Variants in PDXDC1 observed in about 807,000 individuals in gnomAD.
The protein encoded by PDXDC1 is pyridoxal-dependent decarboxylase domain-containing protein 1.
In PDXDC1, 42 loss-of-function variants were observed where a neutral mutation model predicts 100.1. The observed-to-expected ratio is 0.42, with a 90% CI of 0.33 to 0.54. PDXDC1 has a LOEUF of 0.54. Among genes scored for constraint, PDXDC1 ranks in the 20% least tolerant of loss-of-function variants. The pLI, the probability that PDXDC1 is intolerant of heterozygous loss-of-function variation, is 0.10. For synonymous variants in PDXDC1, 260 were observed against 371.7 expected, an observed-to-expected ratio of 0.70 and a Z score of 3.46; for missense variants, 636 against 979.2, an observed-to-expected ratio of 0.65 and a Z score of 4.68.
At position 15,037,695 on chromosome 16, in the gene PDXDC1, A is replaced by ATTCAGTTTATAAATCTTAT. The variant is rs2043561965; in HGVS notation, c.*1422_*1440dup. 1 of 192,896 alleles carries ATTCAGTTTATAAATCTTAT rather than the reference A, an allele frequency of 5.2e-6. No homozygotes were observed. Among genetic ancestry groups the ATTCAGTTTATAAATCTTAT allele is most frequent in the Non-Finnish European group, 1.0e-5 (1 of 95,960 alleles). 11.9% of individuals were successfully genotyped at this position (192,896 alleles called of 1,614,324 possible). On this transcript the variant is annotated 3_prime_UTR_variant, in exon 23 of 23. Coordinates refer to ENST00000396410, the MANE Select transcript of PDXDC1 (RefSeq NM_015027.4). ...AGGTTCTTGAAATTGTTACCAGTGAATTCAGTTTATAAATCTTATTACAAA... is the reference window on the plus strand; with the variant it reads ...AGGTTCTTGAAATTGTTACCAGTGAATTCAGTTTATAAATCTTATTTCAGTTTATAAATCTTATTACAAA...
At chr16:15,116,248 A>G (rs2047231197) in intron 16 of PDXDC1, among the ~76,000 whole-genome samples, 1 of 19,656 alleles carries the variant, frequency 5.1e-5, no homozygotes, top group African/African-American at 1.6e-4. Flanking sequence ...TTGGGAAGCC[A>G]AGGTGGGTGG....
At chr16:15,143,374 T>TG (rs1024442877), downstream of PDXDC1, among the ~76,000 whole-genome samples, 4 of 152,118 alleles carry the variant, frequency 2.6e-5, no homozygotes, top group Admixed American at 2.0e-4. Context: ...CTGTCACAGG[T>TG]GGGGCCACGT....
chr16:15,096,937 C>T (rs1425637126), intron 16 of PDXDC1, among the ~76,000 whole-genome samples: 2 of 152,292 alleles, frequency 1.3e-5, no homozygotes, highest in Middle Eastern at 3.4e-3. Flanking sequence ...CAAAGTGTGT[C>T]TCCCCACCTA....
chr16:15,034,077 A>C (rs2151650027), intron 19 of PDXDC1: 1 of 592,582 alleles, frequency 1.7e-6, no homozygotes, highest in Non-Finnish European at 3.0e-6. Context: ...TACGTAGCAA[A>C]TGAGGCTGGT....
chr16:14,998,040 A>G (rs928459766), intron 2 of PDXDC1, among the ~76,000 whole-genome samples: 3 of 152,296 alleles, frequency 2.0e-5, no homozygotes, highest in African/African-American at 4.8e-5. Flanking sequence ...AATTCTGTCT[A>G]TTAAGAGTTT....
At chr16:15,104,583 G>C in intron 16 of PDXDC1, 1 of 1,599,608 alleles carries the variant, frequency 6.3e-7, no homozygotes, top group Non-Finnish European at 8.5e-7. Context: ...GGGTGGAAGG[G>C]GATAGAGCAG....
downstream of PDXDC1, chr16:15,038,601 C>A (rs989730925): frequency 6.2e-7 from 1 of 1,602,930 alleles, no homozygotes; most frequent in South Asian, 1.1e-5. Flanking sequence ...CATCTTGGTG[C>A]AACCAGAAAT....
At chr16:15,039,082 T>C (rs921193153), downstream of PDXDC1, among the ~76,000 whole-genome samples, 1 of 152,152 alleles carries the variant, frequency 6.6e-6, no homozygotes, top group African/African-American at 2.4e-5. Context: ...AAACAACTGA[T>C]CACCTTGCAA....
chr16:15,049,915 G>C (rs2044231666), intron 16 of PDXDC1, among the ~76,000 whole-genome samples: 1 of 152,180 alleles, frequency 6.6e-6, no homozygotes, highest in Admixed American at 6.5e-5. Context: ...AGCTATAAAT[G>C]TGCCATAATA....
downstream of PDXDC1, chr16:15,040,957 G>A (rs2043788413): frequency 1.3e-6 from 1 of 779,586 alleles, no homozygotes; most frequent in African/African-American, 1.7e-5. Flanking sequence ...GCTGGGATCT[G>A]AACCCAAAGC....
chr16:15,022,791 CTT>C (rs1567693673), intron 13 of PDXDC1, 37 bp downstream of exon 13: 4 of 1,527,964 alleles, frequency 2.6e-6, no homozygotes, highest in Non-Finnish European at 2.7e-6. Context: ...CAAAATATAA[CTT>C]TTTTTGAACC....
At position 15,007,936 on chromosome 16, in the gene PDXDC1, A is replaced by G. The variant is rs558518671; in HGVS notation, c.580-843A>G. 9.8e-5 allele frequency among the ~76,000 whole-genome samples: 15 copies of G among 152,400 alleles called. No individual in the cohort carries two copies. The South Asian group carries it at 2.9e-3, about 29-fold the overall frequency. On this transcript the variant is annotated intron_variant, in intron 6 of 22. Coordinates refer to ENST00000396410, the MANE Select transcript of PDXDC1 (RefSeq NM_015027.4). The stretch of plus-strand genomic sequence containing the variant: ...TAAAGTGTGTGTATCCTTTATACCT[A>G]TGTTTTTGTACCTAGAAAAATACGT...
At chr16:15,080,682 G>T (rs1291757840) in intron 16 of PDXDC1, among the ~76,000 whole-genome samples, 3 of 152,184 alleles carry the variant, frequency 2.0e-5, no homozygotes, top group South Asian at 2.1e-4. Context: ...TCAGCCTCCT[G>T]AAGTGCTGTG....
intron 5 of PDXDC1, among the ~76,000 whole-genome samples, chr16:15,005,304 CAAAAA>C (rs74858191): frequency 1.8e-5 from 1 of 54,682 alleles, no homozygotes. Flanking sequence ...GACTCTGTCT[CAAAAA>C]AAAAAAAAAA....
At chr16:14,976,011 C>T (rs1297537232) in intron 1 of PDXDC1, among the ~76,000 whole-genome samples, 3 of 152,308 alleles carry the variant, frequency 2.0e-5, no homozygotes, top group African/African-American at 7.2e-5. Context: ...GTAACAGAGC[C>T]TACCTCTGGT....
At chr16:15,005,210 T>C (rs147344640) in intron 5 of PDXDC1, among the ~76,000 whole-genome samples, 13,143 of 149,668 alleles carry the variant, frequency 0.088, 290 homozygotes, top group Admixed American at 0.18. Flanking sequence ...TACAAAAAAA[T>C]TAGCCGGGCG....
intron 16 of PDXDC1, among the ~76,000 whole-genome samples, chr16:15,075,725 T>C (rs537020324): frequency 1.7e-3 from 261 of 152,260 alleles, no homozygotes; most frequent in African/African-American, 5.9e-3. Flanking sequence ...GAAGACCCAA[T>C]GAGACCTATC....
chr16:15,140,272 C>T (rs888058560), downstream of PDXDC1, among the ~76,000 whole-genome samples: 1 of 150,662 alleles, frequency 6.6e-6, no homozygotes, highest in Admixed American at 6.6e-5. Context: ...CGGAGACACC[C>T]TGTCTCTACC....
At chr16:15,043,355 G>C (rs1169347123) in intron 16 of PDXDC1, among the ~76,000 whole-genome samples, 1 of 152,198 alleles carries the variant, frequency 6.6e-6, no homozygotes, top group African/African-American at 2.4e-5. Flanking sequence ...CCTTTTTTAA[G>C]AGTTATGGCG....
Sources: allele counts gnomAD v4.1 joint callset (sites outside exome capture counted in the v4.1 genomes callset), GRCh38; gene constraint gnomAD v4.1.1; transcripts MANE v1.5; gene names NCBI Gene and HGNC (gene_info 2026-07-23, HGNC 2026-07-21).